GALNT13: variants seen among roughly 807,000 people sequenced by gnomAD.
The protein encoded by GALNT13 is polypeptide N-acetylgalactosaminyltransferase 13.
In GALNT13, 28 loss-of-function variants were observed where a neutral mutation model predicts 64.2. The observed-to-expected ratio is 0.44, with a 90% CI of 0.32 to 0.60. The LOEUF (loss-of-function observed/expected upper bound fraction) is 0.60. Among genes scored for constraint, GALNT13 ranks in the 20% least tolerant of loss-of-function variants. The pLI, the probability that GALNT13 is intolerant of heterozygous loss-of-function variation, is 0.05. For synonymous variants in GALNT13, 214 were observed against 224.6 expected, an observed-to-expected ratio of 0.95 and a Z score of 0.42; for missense variants, 577 against 669.8, an observed-to-expected ratio of 0.86 and a Z score of 1.53.
intron 2 of GALNT13, among the ~76,000 whole-genome samples, chr2:153,935,663 A>AGTTT (rs1341243323): frequency 2.6e-5 from 4 of 152,174 alleles, no homozygotes; most frequent in Non-Finnish European, 4.4e-5. Context: ...TGCCCACATG[A>AGTTT]GTTTTTCTGT....
At chr2:153,309,595 T>C in the GALNT13 span, among the ~76,000 whole-genome samples, 1 of 152,056 alleles carries the variant, frequency 6.6e-6, no homozygotes, top group Non-Finnish European at 1.5e-5. Flanking sequence ...CTTAGCTTTG[T>C]CAACACTTTC....
rs2105871662 is a variant in GALNT13, at chr2:154,242,779, G to C, written c.560G>C (p.Gly187Ala). ...ATTATTAGGATGGAAGAACGCTCTGGGTTAATACGTGCCCGTCTTCGAGGA... is the reference window on the plus strand; with the variant it reads ...ATTATTAGGATGGAAGAACGCTCTGCGTTAATACGTGCCCGTCTTCGAGGA... ...VKIIRMEERS[G>A]LIRARLRGAA... Residue 187 changes from glycine to alanine, a missense_variant, in exon 6 of 13, where the codon GGG (glycine) becomes GCG (alanine). Physicochemically the swap from Gly to Ala is moderately conservative, Grantham distance 60 (BLOSUM62 0). This residue lies in a region of GALNT13 where 341 missense variants were observed against 379.3 expected (regional missense o/e 0.90). Transcript: ENST00000392825. 6.2e-7 allele frequency: 1 copy of C among 1,613,996 alleles called. No homozygotes were observed. The highest frequency in any genetic ancestry group is 8.5e-7 in the Non-Finnish European group (1 of 1,179,874).
At position 153,989,733 on chromosome 2, in the gene GALNT13, C is replaced by T. The variant is rs544150278; in HGVS notation, c.142+45094C>T. On this transcript the variant is annotated intron_variant, in intron 3 of 12. Transcript: ENST00000392825. ...AAATACTACAGCAGTCAAATATGCA[C>T]GTTCCTTTTCCTGCTCTCATATGTC... Among the ~76,000 whole-genome samples the T allele has an allele frequency of 3.9e-5, 6 of 152,068 alleles. No homozygotes were observed. The South Asian group carries it at 1.0e-3, about 26-fold the overall frequency.
intron 1 of GALNT13, among the ~76,000 whole-genome samples, chr2:153,896,156 A>T (rs1000954572): frequency 6.7e-6 from 1 of 149,810 alleles, no homozygotes; most frequent in South Asian, 2.1e-4. Flanking sequence ...AGGAAAAACC[A>T]CTTATATTGC....
chr2:154,271,033 C>T (rs1411231602), intron 8 of GALNT13, among the ~76,000 whole-genome samples: 4 of 151,850 alleles, frequency 2.6e-5, no homozygotes, highest in Non-Finnish European at 5.9e-5. Flanking sequence ...ATAGAACTCA[C>T]ATACACAAGA....
chr2:154,235,414 C>G (rs1365705871), intron 4 of GALNT13, among the ~76,000 whole-genome samples: 2 of 152,078 alleles, frequency 1.3e-5, no homozygotes. Flanking sequence ...CCAAGCTGCT[C>G]AATTATTATG....
chr2:153,167,793 G>C, the GALNT13 span, among the ~76,000 whole-genome samples: 1 of 152,134 alleles, frequency 6.6e-6, no homozygotes. Context: ...GCTAATTTTT[G>C]CATCCTCTTC....
At chr2:154,304,239 C>G (rs534807491) in intron 9 of GALNT13, among the ~76,000 whole-genome samples, 1 of 152,266 alleles carries the variant, frequency 6.6e-6, no homozygotes, top group Non-Finnish European at 1.5e-5. Context: ...ACGAGGAACA[C>G]CATTTCATGC....
At chr2:153,665,639 C>A in the GALNT13 span, among the ~76,000 whole-genome samples, 53 of 152,220 alleles carry the variant, frequency 3.5e-4, no homozygotes, top group Non-Finnish European at 6.8e-4. Context: ...AATGGATGAC[C>A]AGACTCTGGT....
At position 154,242,071 on chromosome 2, in the gene GALNT13, G is replaced by A. The variant is rs367845717; in HGVS notation, c.353G>A (p.Ser118Asn). Residue 118 changes from serine (S) to asparagine (N), a missense_variant, in exon 5 of 13, where the codon AGT becomes AAT. This residue lies in a region of GALNT13 where 341 missense variants were observed against 379.3 expected (regional missense o/e 0.90). Coordinates refer to ENST00000392825, the MANE Select transcript of GALNT13 (RefSeq NM_052917.4). The stretch of plus-strand genomic sequence containing the variant: ...TACCCTGATGAACTTCCAAACACAA[G>A]TGTAGTCATTGTGTTTCATAATGAA... Reference protein sequence around the residue: ...KVYPDELPNTSVVIVFHNEAW... With the variant: ...KVYPDELPNTNVVIVFHNEAW... The A allele has an allele frequency of 6.2e-7, 1 of 1,609,344 alleles. No individual in the cohort carries two copies. The highest frequency in any genetic ancestry group is 1.3e-5 in the African/African-American group (1 of 74,892).
At chr2:154,219,196 T>C (rs1486022396) in intron 4 of GALNT13, among the ~76,000 whole-genome samples, 1 of 152,126 alleles carries the variant, frequency 6.6e-6, no homozygotes, top group Non-Finnish European at 1.5e-5. Flanking sequence ...ATTTATTGAG[T>C]ACTGACTACA....
the GALNT13 span, among the ~76,000 whole-genome samples, chr2:153,259,058 A>G: frequency 6.6e-6 from 1 of 152,170 alleles, no homozygotes; most frequent in Non-Finnish European, 1.5e-5. Flanking sequence ...TGAATTTTCC[A>G]GCTATTATTG....
At chr2:153,884,238 C>T (rs927544257) in intron 1 of GALNT13, among the ~76,000 whole-genome samples, 1 of 151,734 alleles carries the variant, frequency 6.6e-6, no homozygotes, top group South Asian at 2.1e-4. Flanking sequence ...GGCTAAACTA[C>T]TTTGAGTTTG....
chr2:153,278,031 A>G, the GALNT13 span, among the ~76,000 whole-genome samples: 1 of 143,344 alleles, frequency 7.0e-6, no homozygotes, highest in Non-Finnish European at 1.5e-5. Flanking sequence ...GGTTCATACC[A>G]TTCTCCTGCC....
At chr2:154,114,631 G>T (rs1703182548) in intron 3 of GALNT13, among the ~76,000 whole-genome samples, 1 of 152,152 alleles carries the variant, frequency 6.6e-6, no homozygotes, top group Non-Finnish European at 1.5e-5. Context: ...GGGGTACTGG[G>T]TCTGTAAACT....
At chr2:153,400,430 C>G in the GALNT13 span, among the ~76,000 whole-genome samples, 1 of 152,150 alleles carries the variant, frequency 6.6e-6, no homozygotes, top group African/African-American at 2.4e-5. Flanking sequence ...CAGAATGATG[C>G]TAGCCTCATA....
intron 3 of GALNT13, among the ~76,000 whole-genome samples, chr2:154,028,985 C>A (rs1429160510): frequency 6.6e-6 from 1 of 151,900 alleles, no homozygotes; most frequent in African/African-American, 2.4e-5. Context: ...TTTCCTGGAG[C>A]AGATACTGCC....
the GALNT13 span, among the ~76,000 whole-genome samples, chr2:153,866,751 C>T: frequency 1.3e-5 from 2 of 152,022 alleles, no homozygotes; most frequent in Non-Finnish European, 2.9e-5. Context: ...AACATTTTAA[C>T]AAAAGATTTT....
chr2:153,364,808 G>C, the GALNT13 span, among the ~76,000 whole-genome samples: 1 of 152,110 alleles, frequency 6.6e-6, no homozygotes, highest in African/African-American at 2.4e-5. Flanking sequence ...TGGCCATACT[G>C]CCCAAAGTAA....
Sources: gnomAD v4.1 joint callset for allele counts (sites outside exome capture counted in the v4.1 genomes callset) on GRCh38, gnomAD v4.1.1 for gene constraint, gnomAD v4.1.1 regional missense constraint, MANE v1.5 for transcripts, NCBI Gene and HGNC (gene_info 2026-07-23, HGNC 2026-07-21) for gene names.